PDGFRA: variants seen among roughly 807,000 people sequenced by gnomAD.
The protein encoded by PDGFRA is platelet-derived growth factor receptor alpha.
Under a neutral mutation model 121.5 loss-of-function variants are expected in PDGFRA, and 25 were observed. That is an observed-to-expected ratio of 0.21 (90% confidence interval 0.15 to 0.29). PDGFRA has a LOEUF of 0.29. PDGFRA is among the 10% of genes least tolerant of loss of function. The probability of loss-of-function intolerance (pLI) is 1.00; values close to 1 mark genes in which losing one functional copy is unlikely to be tolerated. For missense variants in PDGFRA, 1,008 were observed against 1,345.1 expected (o/e 0.75, Z 3.92); for synonymous variants, 463 against 494.8 (o/e 0.94, Z 0.85).
At chr4:54,261,455 G>T (rs1237527714) in intron 3 of PDGFRA, 43 bp downstream of exon 3, 2 of 1,324,050 alleles carry the variant, frequency 1.5e-6, no homozygotes, top group Non-Finnish European at 2.2e-6. Flanking sequence ...TTCTCTTCCT[G>T]TCTCTCCTGT....
At chr4:54,268,435 T>G (rs1413186880) in intron 7 of PDGFRA, among the ~76,000 whole-genome samples, 1 of 152,164 alleles carries the variant, frequency 6.6e-6, no homozygotes, top group Non-Finnish European at 1.5e-5. Context: ...GGTTTTAAGC[T>G]GTGATTAGAA....
At position 54,272,452 on chromosome 4, in the gene PDGFRA, G is replaced by C. The variant is rs374217334; in HGVS notation, c.1296G>C (p.Thr432=). 1 of 1,613,880 alleles carries C rather than the reference G, an allele frequency of 6.2e-7. No homozygotes were observed. The highest frequency in any genetic ancestry group is 8.5e-7 in the Non-Finnish European group (1 of 1,179,846). ...DDHHGSTGGQ[T]VRCTAEGTPL... ...ACCATGGCTCAACTGGGGGACAGACGGTGAGGTGCACAGCTGAAGGCACGC... is the reference window on the plus strand; with the variant it reads ...ACCATGGCTCAACTGGGGGACAGACCGTGAGGTGCACAGCTGAAGGCACGC... Residue 432 remains threonine (T), a synonymous_variant, in exon 9 of 23, where the codon ACG becomes ACC. Coordinates refer to ENST00000257290, the MANE Select transcript of PDGFRA (RefSeq NM_006206.6).
At chr4:54,244,544 C>A (rs1577680158) in intron 1 of PDGFRA, among the ~76,000 whole-genome samples, 2 of 152,154 alleles carry the variant, frequency 1.3e-5, no homozygotes, top group Admixed American at 6.5e-5. Context: ...ACAGAAAGGA[C>A]ATCCACACCA....
intron 16 of PDGFRA, 60 bp downstream of exon 16, chr4:54,280,542 TA>T (rs1474563365): frequency 2.0e-5 from 27 of 1,382,714 alleles, no homozygotes; most frequent in African/African-American, 5.7e-5. Flanking sequence ...ATATGATACT[TA>T]AAGTATTTAG....
intron 7 of PDGFRA, among the ~76,000 whole-genome samples, chr4:54,269,971 G>A (rs1484302070): frequency 2.0e-5 from 3 of 151,680 alleles, no homozygotes; most frequent in African/African-American, 7.3e-5. Context: ...TTTTTAATAG[G>A]TGATAGAATC....
chr4:54,270,181 C>T (rs1723264008), intron 7 of PDGFRA, among the ~76,000 whole-genome samples: 1 of 152,178 alleles, frequency 6.6e-6, no homozygotes, highest in Non-Finnish European at 1.5e-5. Flanking sequence ...CAGACCGCTA[C>T]ATACAAATAC....
At chr4:54,262,078 T>C (rs949268775) in intron 3 of PDGFRA, among the ~76,000 whole-genome samples, 7 of 151,600 alleles carry the variant, frequency 4.6e-5, no homozygotes, top group African/African-American at 7.3e-5. Flanking sequence ...ATTACAGGCA[T>C]GCACCACCAC....
Position 54,277,409 on chromosome 4 carries a change from C to T in PDGFRA, c.1808C>T (p.Ala603Val), listed in dbSNP as rs1553904813. 1 of 1,613,846 alleles carries T rather than the reference C, an allele frequency of 6.2e-7. No homozygotes were observed. Among genetic ancestry groups the T allele is most frequent in the Non-Finnish European group, 8.5e-7 (1 of 1,179,830 alleles). The change falls in exon 13 of 23, where the codon GCG becomes GTG. Residue 603 changes from alanine (A) to valine (V), a missense_variant. Transcript: ENST00000257290. ...ACAGGTCGGGTCTTGGGGTCTGGAG[C>T]GTTTGGGAAGGTGGTTGAAGGAACA... ...LVLGRVLGSG[A>V]FGKVVEGTAY...
intron 1 of PDGFRA, among the ~76,000 whole-genome samples, chr4:54,247,579 A>G (rs1469798845): frequency 6.6e-6 from 1 of 151,934 alleles, no homozygotes; most frequent in Non-Finnish European, 1.5e-5. Flanking sequence ...TCTCAAAATA[A>G]TAAGAGCTAT....
rs2110315028 is a variant in PDGFRA at position 54,278,383 on chromosome 4, A to T, written c.2024A>T (p.Glu675Val). 2 of 1,613,808 alleles carry T rather than the reference A, an allele frequency of 1.2e-6. No homozygotes were observed. The highest frequency in any genetic ancestry group is 1.7e-6 in the Non-Finnish European group (2 of 1,179,770). ...TKSGPIYIIT[E>V]YCFYGDLVNY... ...ATAGGCCCCATTTACATCATCACAG[A>T]GTATTGCTTCTATGGAGATTTGGTC... The change falls in exon 15 of 23, where the codon GAG becomes GTG. Residue 675 changes from glutamate (E) to valine (V), a missense_variant. Glu to Val is a moderately radical substitution (Grantham distance 121). This residue lies in a region of PDGFRA where 128 missense variants were observed against 147.6 expected (regional missense o/e 0.87). Coordinates refer to ENST00000257290, the MANE Select transcript of PDGFRA (RefSeq NM_006206.6).
intron 1 of PDGFRA, among the ~76,000 whole-genome samples, chr4:54,245,236 C>A (rs368852652): frequency 6.6e-6 from 1 of 151,266 alleles, no homozygotes; most frequent in South Asian, 2.1e-4. Context: ...AGATACTCCT[C>A]GAGAAGAGCA....
chr4:54,276,333 G>A (rs1038404068), intron 12 of PDGFRA, among the ~76,000 whole-genome samples: 1 of 149,170 alleles, frequency 6.7e-6, no homozygotes, highest in African/African-American at 2.6e-5. Flanking sequence ...ACACTGATTC[G>A]AGTAATAGTA....
intron 1 of PDGFRA, among the ~76,000 whole-genome samples, chr4:54,253,490 T>G (rs1722179038): frequency 6.6e-6 from 1 of 152,204 alleles, no homozygotes; most frequent in Non-Finnish European, 1.5e-5. Flanking sequence ...GTCACCTGCC[T>G]GAGAGTCAAC....
At chr4:54,251,767 G>T (rs754324009) in intron 1 of PDGFRA, among the ~76,000 whole-genome samples, 13 of 152,098 alleles carry the variant, frequency 8.5e-5, no homozygotes, top group Non-Finnish European at 1.8e-4. Context: ...ACTTATACAG[G>T]TATTTGCAGG....
At position 54,290,302 on chromosome 4, in the gene PDGFRA, A is replaced by T; in HGVS notation, c.2881-11A>T. On this transcript the variant is annotated splice_polypyrimidine_tract_variant and intron_variant, in intron 21 of 22. Coordinates refer to ENST00000257290, the MANE Select transcript of PDGFRA (RefSeq NM_006206.6). ...AACACTTGATTAAATATGTTCAATGAATGTTTATAGAGTTATGAAAAAATT... is the reference window on the plus strand; with the variant it reads ...AACACTTGATTAAATATGTTCAATGTATGTTTATAGAGTTATGAAAAAATT... The T allele has an allele frequency of 6.2e-7, 1 of 1,602,876 alleles. No homozygotes were observed. Among genetic ancestry groups the T allele is most frequent in the Non-Finnish European group, 8.5e-7 (1 of 1,169,736 alleles).
At chr4:54,243,861 C>G (rs1721453439) in intron 1 of PDGFRA, among the ~76,000 whole-genome samples, 1 of 152,226 alleles carries the variant, frequency 6.6e-6, no homozygotes, top group Non-Finnish European at 1.5e-5. Context: ...CACTCCCACC[C>G]CAATACTGCG....
rs1222441176 is a variant in PDGFRA at position 54,287,431 on chromosome 4, C to A, written c.2564C>A (p.Thr855Asn). 7.6e-7 allele frequency: 1 copy of A among 1,310,194 alleles called. No homozygotes were observed. The highest frequency in any genetic ancestry group is 1.1e-6 in the Non-Finnish European group (1 of 902,432). 81.2% of individuals were successfully genotyped at this position (1,310,194 alleles called of 1,614,324 possible). A position where few individuals can be genotyped will look rare whatever the true frequency, so the allele number is the denominator to read the frequency against. The stretch of plus-strand genomic sequence containing the variant: ...AACTGTCTCCCTCCTTCCTTGCAGA[C>A]CTTTCTGCCCGTGAAGTGGATGGCT... ...HDSNYVSKGS[T>N]FLPVKWMAPE... The change falls in exon 19 of 23, where the codon ACC (threonine) becomes AAC (asparagine). Residue 855 changes from threonine (T) to asparagine (N), a missense_variant and splice_region_variant. Physicochemically the swap from Thr to Asn is moderately conservative, Grantham distance 65 (BLOSUM62 0). This residue lies in a region of PDGFRA where 40 missense variants were observed against 127.4 expected (regional missense o/e 0.31). Coordinates refer to ENST00000257290, the MANE Select transcript of PDGFRA (RefSeq NM_006206.6).
intron 1 of PDGFRA, among the ~76,000 whole-genome samples, chr4:54,246,721 C>A (rs540230965): frequency 2.0e-5 from 3 of 151,566 alleles, no homozygotes; most frequent in African/African-American, 4.9e-5. Context: ...AAAATCAGAG[C>A]AGAACTGAAG....
intron 16 of PDGFRA, chr4:54,280,738 T>A: frequency 3.1e-6 from 1 of 327,378 alleles, no homozygotes; most frequent in Non-Finnish European, 5.7e-6. Flanking sequence ...TTTCTTGGTG[T>A]GTTCCTGCAG....
Sources: gnomAD v4.1 joint callset for allele counts (sites outside exome capture counted in the v4.1 genomes callset) on GRCh38, gnomAD v4.1.1 for gene constraint, gnomAD v4.1.1 regional missense constraint, MANE v1.5 for transcripts, NCBI Gene and HGNC (gene_info 2026-07-23, HGNC 2026-07-21) for gene names.